Variants in OR1J2 observed in about 807,000 individuals in gnomAD.
The protein encoded by OR1J2 is olfactory receptor 1J2.
For synonymous variants in OR1J2, 142 were observed against 99.7 expected (o/e 1.42, Z -2.52); for missense variants, 304 against 246.1 (o/e 1.24, Z -1.57).
the OR1J2 span, among the ~76,000 whole-genome samples, chr9:122,480,052 A>G: frequency 2.0e-5 from 3 of 152,336 alleles, no homozygotes; most frequent in African/African-American, 7.2e-5. Flanking sequence ...GAAATAGCTT[A>G]TAAGCGATTT....
chr9:122,567,659 C>T, the OR1J2 span: 227 of 1,614,016 alleles, frequency 1.4e-4, no homozygotes, highest in Middle Eastern at 3.3e-4. Flanking sequence ...CAATTGTTGC[C>T]ACGTGGTCCT....
chr9:122,497,438 T>A, the OR1J2 span, among the ~76,000 whole-genome samples: 1 of 152,206 alleles, frequency 6.6e-6, no homozygotes, highest in East Asian at 1.9e-4. Flanking sequence ...TTCCTCTAGA[T>A]TTTCTAGTTT....
At chr9:122,468,620 A>T in the OR1J2 span, among the ~76,000 whole-genome samples, 5 of 152,196 alleles carry the variant, frequency 3.3e-5, no homozygotes, top group African/African-American at 1.2e-4. Context: ...ATCCTCCAGG[A>T]TACTACAGTT....
chr9:122,518,265 T>C, the OR1J2 span, among the ~76,000 whole-genome samples: 1 of 152,264 alleles, frequency 6.6e-6, no homozygotes, highest in Non-Finnish European at 1.5e-5. Flanking sequence ...CCACTAGGTA[T>C]GGTGTTTACT....
chr9:122,463,533 G>A, the OR1J2 span, among the ~76,000 whole-genome samples: 2 of 152,126 alleles, frequency 1.3e-5, no homozygotes, highest in African/African-American at 4.8e-5. Flanking sequence ...TGTTTTTCTG[G>A]TTCCTTCTCA....
the OR1J2 span, among the ~76,000 whole-genome samples, chr9:122,448,536 T>G: frequency 6.6e-6 from 1 of 152,132 alleles, no homozygotes; most frequent in Non-Finnish European, 1.5e-5. Context: ...GATGGTTAGG[T>G]CTTTCCCATC....
At chr9:122,452,368 T>C in the OR1J2 span, among the ~76,000 whole-genome samples, 2 of 152,150 alleles carry the variant, frequency 1.3e-5, no homozygotes, top group Admixed American at 1.3e-4. Context: ...TAGCAGTAAA[T>C]GGCATGCTTA....
chr9:122,546,744 T>A, the OR1J2 span, among the ~76,000 whole-genome samples: 1 of 152,208 alleles, frequency 6.6e-6, no homozygotes, highest in Non-Finnish European at 1.5e-5. Flanking sequence ...AAAGTACTTT[T>A]GTGTGTAAGA....
the OR1J2 span, among the ~76,000 whole-genome samples, chr9:122,470,681 C>G: frequency 3.3e-5 from 5 of 152,204 alleles, no homozygotes; most frequent in African/African-American, 1.2e-4. Context: ...GCCATGGACA[C>G]TCAATGCCAG....
At chr9:122,462,799 G>A in the OR1J2 span, among the ~76,000 whole-genome samples, 826 of 152,276 alleles carry the variant, frequency 5.4e-3, 3 homozygotes, top group Non-Finnish European at 6.7e-3. Context: ...TGCTCTGTTT[G>A]TCTGATAGGT....
chr9:122,504,197 G>A, the OR1J2 span, among the ~76,000 whole-genome samples: 4 of 152,138 alleles, frequency 2.6e-5, no homozygotes, highest in African/African-American at 9.7e-5. Context: ...ACTGGATGTC[G>A]CATGGTTAGG....
chr9:122,478,016 TAG>T, the OR1J2 span: 3 of 883,356 alleles, frequency 3.4e-6, no homozygotes, highest in Non-Finnish European at 5.3e-6. Flanking sequence ...CATAGTATAA[TAG>T]AGATGTTCTT....
chr9:122,480,485 AG>A, the OR1J2 span, among the ~76,000 whole-genome samples: 2 of 151,780 alleles, frequency 1.3e-5, no homozygotes, highest in Admixed American at 6.6e-5. Flanking sequence ...GTATAAGTGC[AG>A]GTTTGTTACG....
chr9:122,548,255 G>A, the OR1J2 span, among the ~76,000 whole-genome samples: 25 of 152,284 alleles, frequency 1.6e-4, no homozygotes, highest in Admixed American at 3.3e-4. Context: ...AAAGGGGTTT[G>A]GGCTGGGGTA....
chr9:122,569,708 T>C, the OR1J2 span, among the ~76,000 whole-genome samples: 29 of 151,902 alleles, frequency 1.9e-4, no homozygotes, highest in Admixed American at 1.5e-3. Context: ...ATTTAAGTTT[T>C]AGGGTACATG....
At chr9:122,468,499 T>C in the OR1J2 span, among the ~76,000 whole-genome samples, 1 of 152,216 alleles carries the variant, frequency 6.6e-6, no homozygotes, top group East Asian at 1.9e-4. Flanking sequence ...AATTGATAAA[T>C]TCTCCAGTTC....
chr9:122,463,043 G>C, the OR1J2 span, among the ~76,000 whole-genome samples: 2 of 152,080 alleles, frequency 1.3e-5, no homozygotes, highest in Non-Finnish European at 2.9e-5. Flanking sequence ...TTTCTCTTCT[G>C]TCTTGGGAAC....
chr9:122,477,555 C>G, the OR1J2 span: 1 of 1,613,904 alleles, frequency 6.2e-7, no homozygotes. Flanking sequence ...GACAGATGGC[C>G]ACATACCTGT....
the OR1J2 span, chr9:122,553,715 C>T: frequency 6.2e-6 from 10 of 1,613,892 alleles, no homozygotes; most frequent in East Asian, 6.7e-5. Context: ...TGCTGACCCG[C>T]GTGGCTTTCT....
Sources: gnomAD v4.1 joint callset for allele counts (sites outside exome capture counted in the v4.1 genomes callset) on GRCh38, gnomAD v4.1.1 for gene constraint, MANE v1.5 for transcripts, NCBI Gene and HGNC (gene_info 2026-07-23, HGNC 2026-07-21) for gene names.